The following ERBIN variants were observed in gnomAD, a reference collection of about 807,000 sequenced individuals.
The protein encoded by ERBIN is erbb2 interacting protein.
A neutral mutation model predicts 158.4 loss-of-function variants in ERBIN; 60 were observed. That is an observed-to-expected ratio of 0.38 (90% confidence interval 0.31 to 0.47). The LOEUF is 0.47. Ranked by LOEUF, ERBIN falls within the 20% of genes least tolerant of loss-of-function variation. The pLI, the probability that ERBIN is intolerant of heterozygous loss-of-function variation, is 0.99. For missense variants in ERBIN, 1,610 were observed against 1,648.0 expected, an observed-to-expected ratio of 0.98 and a Z score of 0.40; for synonymous variants, 594 against 557.2, an observed-to-expected ratio of 1.07 and a Z score of -0.93.
At chr5:65,960,647 T>G (rs1202371614) in intron 1 of ERBIN, among the ~76,000 whole-genome samples, 10 of 152,204 alleles carry the variant, frequency 6.6e-5, no homozygotes, top group Admixed American at 6.5e-4. Flanking sequence ...TGAATGCAAC[T>G]GCTACTCATG....
intron 4 of ERBIN, among the ~76,000 whole-genome samples, chr5:66,000,596 C>T (rs889150197): frequency 2.6e-5 from 4 of 152,200 alleles, no homozygotes; most frequent in East Asian, 1.9e-4. Context: ...GGAGGAATGA[C>T]GTTACTTATT....
chr5:65,938,358 A>C (rs1304108862), intron 1 of ERBIN, among the ~76,000 whole-genome samples: 2 of 143,894 alleles, frequency 1.4e-5, no homozygotes, highest in Admixed American at 7.2e-5. Flanking sequence ...TAGATTCGTG[A>C]GCAGGCATAG....
At chr5:66,060,206 CA>C (rs1760117018) in intron 21 of ERBIN, among the ~76,000 whole-genome samples, 1 of 152,172 alleles carries the variant, frequency 6.6e-6, no homozygotes, top group Non-Finnish European at 1.5e-5. Flanking sequence ...ATTATTGCCT[CA>C]ATTTCAGAGC....
intron 1 of ERBIN, among the ~76,000 whole-genome samples, chr5:65,968,610 G>A (rs2150980295): frequency 6.6e-6 from 1 of 152,162 alleles, no homozygotes; most frequent in South Asian, 2.1e-4. Context: ...GCCCAGGCTG[G>A]AGTGCAGTGG....
At chr5:66,075,000 T>A in intron 22 of ERBIN, 24 bp from the exon 23 acceptor site, 1 of 1,606,560 alleles carries the variant, frequency 6.2e-7, no homozygotes, top group South Asian at 1.1e-5. Context: ...TTGGTCATTT[T>A]AAGATACTTC....
chr5:65,941,719 T>C (rs935936751), intron 1 of ERBIN, among the ~76,000 whole-genome samples: 1 of 152,188 alleles, frequency 6.6e-6, no homozygotes, highest in Non-Finnish European at 1.5e-5. Flanking sequence ...ATGTGTTTCA[T>C]AGACCTTAAC....
intron 21 of ERBIN, among the ~76,000 whole-genome samples, chr5:66,055,886 G>C (rs1228315009): frequency 6.6e-6 from 1 of 152,068 alleles, no homozygotes; most frequent in Non-Finnish European, 1.5e-5. Flanking sequence ...GCCTATAATT[G>C]TTCTTTTTAG....
At chr5:66,041,056 T>C (rs1025534407) in intron 15 of ERBIN, among the ~76,000 whole-genome samples, 1 of 151,888 alleles carries the variant, frequency 6.6e-6, no homozygotes, top group South Asian at 2.1e-4. Flanking sequence ...GCATTTCTTT[T>C]TACATTGAAG....
intron 17 of ERBIN, among the ~76,000 whole-genome samples, chr5:66,045,086 C>G (rs1435892007): frequency 6.6e-6 from 1 of 151,834 alleles, no homozygotes; most frequent in Non-Finnish European, 1.5e-5. Flanking sequence ...GGCATGGTGG[C>G]ATGCTCCTGT....
rs75522581 is a variant in ERBIN at position 65,933,695 on chromosome 5, C to T, written c.-58+6889C>T. 3.6e-3 allele frequency among the ~76,000 whole-genome samples: 548 copies of T among 152,140 alleles called. 3 individuals carry two copies. Among genetic ancestry groups the T allele is most frequent in the African/African-American group, 0.012 (518 of 41,516 alleles). Reference sequence around the variant, plus strand: ...AGTGTATTGCATTTTGTTATTTCCCCGACCCCAGCCTACTTTGTATTCTTT... The same window carrying T: ...AGTGTATTGCATTTTGTTATTTCCCTGACCCCAGCCTACTTTGTATTCTTT... On this transcript the variant is annotated intron_variant, in intron 1 of 25. Transcript: ENST00000284037.
intron 4 of ERBIN, among the ~76,000 whole-genome samples, chr5:66,007,321 T>C (rs1007745579): frequency 1.4e-4 from 22 of 151,896 alleles, no homozygotes; most frequent in African/African-American, 5.1e-4. Flanking sequence ...TTCTCACTCA[T>C]AGGTGGGAAT....
chr5:66,078,220 G>T (rs1462277658), intron 25 of ERBIN, among the ~76,000 whole-genome samples: 1 of 152,146 alleles, frequency 6.6e-6, no homozygotes, highest in Non-Finnish European at 1.5e-5. Context: ...ATAAGAATTG[G>T]CTGAGAAGTT....
intron 13 of ERBIN, among the ~76,000 whole-genome samples, chr5:66,027,287 A>G (rs1685101816): frequency 6.6e-6 from 1 of 151,600 alleles, no homozygotes. Context: ...GTTTTATTTA[A>G]AAGAACCACT....
intron 1 of ERBIN, among the ~76,000 whole-genome samples, chr5:65,957,222 TTATTTTA>T (rs1410441406): frequency 2.0e-5 from 3 of 151,128 alleles, no homozygotes; most frequent in African/African-American, 7.4e-5. Flanking sequence ...TTATTTTATT[TTATTTTA>T]TTTTTTTTAT....
Position 66,026,323 on chromosome 5 carries a change from A to T in ERBIN, c.1042A>T (p.Thr348Ser), listed in dbSNP as rs1478320711. ...PPEIGSWKNI[T>S]VLFLHSNKLE... ...TCAGATTGGAAGCTGGAAAAATATA[A>T]CTGTGCTGTTTCTCCATTCCAATAA... The change falls in exon 13 of 26, where the codon ACT becomes TCT. Residue 348 changes from threonine to serine, a missense_variant. Thr to Ser is a moderately conservative substitution (Grantham distance 58, BLOSUM62 1). This residue lies in a region of ERBIN where 596 missense variants were observed against 711.9 expected (regional missense o/e 0.84). Transcript: ENST00000284037. 1 of 1,590,696 alleles carries T rather than the reference A, an allele frequency of 6.3e-7. No individual in the cohort carries two copies. Among genetic ancestry groups the T allele is most frequent in the Admixed American group, 1.8e-5 (1 of 55,358 alleles).
intron 14 of ERBIN, among the ~76,000 whole-genome samples, chr5:66,031,619 G>A (rs1756887348): frequency 6.6e-6 from 1 of 152,134 alleles, no homozygotes; most frequent in Non-Finnish European, 1.5e-5. Context: ...ATCTTTTGAG[G>A]CCCGAGTTTG....
At chr5:66,074,767 G>A (rs1761836704) in intron 22 of ERBIN, among the ~76,000 whole-genome samples, 1 of 152,152 alleles carries the variant, frequency 6.6e-6, no homozygotes, top group Non-Finnish European at 1.5e-5. Flanking sequence ...TTAAAATGTA[G>A]ATATGATGTA....
intron 7 of ERBIN, among the ~76,000 whole-genome samples, chr5:66,016,615 C>CTTTTT (rs11323656): frequency 8.1e-6 from 1 of 124,194 alleles, no homozygotes; most frequent in African/African-American, 2.9e-5. Flanking sequence ...TTCATGAGAT[C>CTTTTT]TTTTTTTTTT....
chr5:66,044,626 G>A (rs7356753), intron 17 of ERBIN, among the ~76,000 whole-genome samples: 9,110 of 151,896 alleles, frequency 0.06, 967 homozygotes, highest in African/African-American at 0.21. Context: ...TTAGCTGGGC[G>A]TGGTGGTGGG....
Sources: allele counts gnomAD v4.1 joint callset (sites outside exome capture counted in the v4.1 genomes callset), GRCh38; gene constraint gnomAD v4.1.1; regional missense constraint gnomAD v4.1.1; transcripts MANE v1.5; gene names NCBI Gene and HGNC (gene_info 2026-07-23, HGNC 2026-07-21).